Variants in STYK1 observed in about 807,000 individuals in gnomAD.
STYK1 encodes the protein STY kinase 1.
Under a neutral mutation model 48.1 loss-of-function variants are expected in STYK1, and 46 were observed. The ratio of observed to expected loss-of-function variants is 0.96; its 90% CI spans 0.75 to 1.22. The LOEUF is 1.22. Ranked by LOEUF, STYK1 falls within the 50% of genes most tolerant of loss-of-function variation. STYK1 has a pLI of 0.00. For missense variants in STYK1, 527 were observed against 521.1 expected, an observed-to-expected ratio of 1.01 and a Z score of -0.11; for synonymous variants, 188 against 189.0, an observed-to-expected ratio of 0.99 and a Z score of 0.04.
chr12:10,639,341 C>T (rs2120684327), intron 1 of STYK1, among the ~76,000 whole-genome samples: 1 of 152,110 alleles, frequency 6.6e-6, no homozygotes, highest in Non-Finnish European at 1.5e-5. Context: ...TTGTGCTAGG[C>T]ACTTTCATAC....
chr12:10,659,227 T>G (rs1044256417), intron 1 of STYK1, among the ~76,000 whole-genome samples: 3 of 152,216 alleles, frequency 2.0e-5, no homozygotes, highest in African/African-American at 7.2e-5. Flanking sequence ...GTCAAGAACA[T>G]TTTTGAGTTA....
At chr12:10,620,403 C>T in intron 10 of STYK1, 55 bp from the exon 11 acceptor site, 1 of 1,526,398 alleles carries the variant, frequency 6.6e-7, no homozygotes, top group East Asian at 2.3e-5. Flanking sequence ...GTATGGGGAG[C>T]ATGTCTCCTC....
chr12:10,631,315 C>A lies in STYK1; in HGVS notation c.188-7G>T. On this transcript the variant is annotated splice_region_variant and splice_polypyrimidine_tract_variant and intron_variant, in intron 4 of 10. Transcript: ENST00000075503. ...GGAGGAACAGGGGCAATGCCTAGAA[C>A]AGAGAGATGATGTCAACCAGTTTTT... 1 of 1,610,360 alleles carries A rather than the reference C, an allele frequency of 6.2e-7. No homozygotes were observed. Among genetic ancestry groups the A allele is most frequent in the Non-Finnish European group, 8.5e-7 (1 of 1,176,760 alleles).
intron 2 of STYK1, among the ~76,000 whole-genome samples, chr12:10,636,759 T>G (rs1947490027): frequency 6.6e-6 from 1 of 152,166 alleles, no homozygotes; most frequent in Non-Finnish European, 1.5e-5. Context: ...GTTTAACCAG[T>G]TTGGCTTTCT....
intron 4 of STYK1, among the ~76,000 whole-genome samples, chr12:10,631,722 A>C (rs1246807304): frequency 3.9e-5 from 6 of 152,306 alleles, no homozygotes; most frequent in African/African-American, 1.4e-4. Context: ...CGTTGGAGGA[A>C]AGGTATGGAT....
intron 2 of STYK1, among the ~76,000 whole-genome samples, chr12:10,635,553 C>T (rs963240741): frequency 1.3e-5 from 2 of 152,166 alleles, no homozygotes; most frequent in African/African-American, 4.8e-5. Context: ...CAGTACCAAG[C>T]CACCTTCTCT....
chr12:10,628,951 G>A (rs983216562), intron 6 of STYK1, among the ~76,000 whole-genome samples: 31 of 152,036 alleles, frequency 2.0e-4, no homozygotes, highest in Non-Finnish European at 2.5e-4. Flanking sequence ...AAAGATAATT[G>A]TTATATAATT....
At chr12:10,670,123 G>C (rs1424057236) in intron 1 of STYK1, among the ~76,000 whole-genome samples, 1 of 151,926 alleles carries the variant, frequency 6.6e-6, no homozygotes, top group African/African-American at 2.4e-5. Flanking sequence ...CCCACTATTC[G>C]GTATACATCC....
intron 1 of STYK1, among the ~76,000 whole-genome samples, chr12:10,651,095 A>C (rs1947658393): frequency 6.6e-6 from 1 of 151,638 alleles, no homozygotes; most frequent in Non-Finnish European, 1.5e-5. Flanking sequence ...GTATTTTCCT[A>C]AGTTGAAGTT....
chr12:10,646,768 G>A (rs1302550899), intron 1 of STYK1, among the ~76,000 whole-genome samples: 8 of 152,196 alleles, frequency 5.3e-5, no homozygotes, highest in South Asian at 2.1e-4. Context: ...CATGGGCTGG[G>A]CCCAGGGTCC....
chr12:10,658,554 G>A (rs975399461), intron 1 of STYK1, among the ~76,000 whole-genome samples: 2 of 152,076 alleles, frequency 1.3e-5, no homozygotes, highest in East Asian at 1.9e-4. Context: ...ATAATCAAGT[G>A]GTTAAACCTT....
intron 1 of STYK1, among the ~76,000 whole-genome samples, chr12:10,639,426 T>G (rs905353340): frequency 1.3e-5 from 2 of 152,070 alleles, no homozygotes; most frequent in African/African-American, 4.8e-5. Flanking sequence ...ACTTTTTTTT[T>G]TTTTCTGATG....
chr12:10,658,573 G>C (rs1468077418), intron 1 of STYK1, among the ~76,000 whole-genome samples: 1 of 152,074 alleles, frequency 6.6e-6, no homozygotes, highest in Non-Finnish European at 1.5e-5. Flanking sequence ...TTCAATATTT[G>C]ACAAACTTTC....
At chr12:10,630,913 A>G in intron 5 of STYK1, 132 bp downstream of exon 5, 1 of 1,201,190 alleles carries the variant, frequency 8.3e-7, no homozygotes, top group African/African-American at 1.5e-5. Flanking sequence ...TTCTGCCTCA[A>G]GTTTCCACTC....
intron 8 of STYK1, among the ~76,000 whole-genome samples, chr12:10,623,659 C>G (rs1947324844): frequency 6.6e-6 from 1 of 151,980 alleles, no homozygotes; most frequent in African/African-American, 2.4e-5. Context: ...AAATAAACTG[C>G]TGAAAAAGAA....
Position 10,620,012 on chromosome 12 carries a change from TG to T in STYK1, c.*131del. 1 of 1,000,680 alleles carries T rather than the reference TG, an allele frequency of 1.0e-6. No individual in the cohort carries two copies. Among genetic ancestry groups the T allele is most frequent in the Non-Finnish European group, 1.5e-6 (1 of 660,492 alleles). 62.0% of individuals were successfully genotyped at this position (1,000,680 alleles called of 1,614,324 possible). On this transcript the variant is annotated 3_prime_UTR_variant, in exon 11 of 11. Transcript: ENST00000075503. ...GCATCATTTCAGATTTCCCGAGAAA[TG>T]TGTAAAGGAAGATCAAGAATCCATG... is the stretch of plus-strand genomic sequence containing the variant.
At chr12:10,655,077 G>A (rs777916634) in intron 1 of STYK1, among the ~76,000 whole-genome samples, 3 of 152,100 alleles carry the variant, frequency 2.0e-5, no homozygotes, top group East Asian at 1.9e-4. Context: ...CTCTTGCAAC[G>A]TTTTAATTAA....
At chr12:10,646,865 G>A (rs1297546279) in intron 1 of STYK1, among the ~76,000 whole-genome samples, 6 of 152,220 alleles carry the variant, frequency 3.9e-5, no homozygotes, top group Non-Finnish European at 8.8e-5. Flanking sequence ...AGCTTGGGCT[G>A]TTGCTTCAGA....
At chr12:10,653,633 G>A (rs1473463919) in intron 1 of STYK1, among the ~76,000 whole-genome samples, 1 of 152,142 alleles carries the variant, frequency 6.6e-6, no homozygotes, top group Non-Finnish European at 1.5e-5. Context: ...AGTCCCTTTA[G>A]TACAATCTGT....
Sources: allele counts gnomAD v4.1 joint callset (sites outside exome capture counted in the v4.1 genomes callset), GRCh38; gene constraint gnomAD v4.1.1; transcripts MANE v1.5; gene names NCBI Gene and HGNC (gene_info 2026-07-23, HGNC 2026-07-21).